MACROD2: variants seen among roughly 807,000 people sequenced by gnomAD.
MACROD2 encodes the protein mono-ADP ribosylhydrolase 2, also known as ADP-ribose glycohydrolase MACROD2.
In MACROD2, 36 loss-of-function variants were observed where a neutral mutation model predicts 70.4. The observed-to-expected ratio is 0.51, with a 90% CI of 0.39 to 0.68. The LOEUF (loss-of-function observed/expected upper bound fraction) is 0.68, where lower values mean the gene tolerates loss of function less well. Among genes scored for constraint, MACROD2 ranks in the 30% least tolerant of loss-of-function variants. MACROD2 has a pLI of 0.00. For synonymous variants in MACROD2, 172 were observed against 178.8 expected (o/e 0.96, Z 0.30); for missense variants, 496 against 538.4 (o/e 0.92, Z 0.78).
chr20:16,044,670 T>C lies in MACROD2; in HGVS notation c.1300+31T>C, dbSNP rs1339948746. On this transcript the variant is annotated intron_variant, in intron 17 of 17. Coordinates refer to ENST00000684519, the MANE Select transcript of MACROD2 (RefSeq NM_001351661.2). ...ATGCCCCTTGTGGTGAGATTTTCAA[T>C]GATCAACCAGCCATAAGAACTATTT... 3 of 1,580,998 alleles carry C rather than the reference T, an allele frequency of 1.9e-6. No homozygotes were observed. In the Admixed American group the frequency reaches 5.0e-5, roughly 27 times the overall value.
chr20:15,673,763 T>C (rs2050015159), intron 8 of MACROD2, among the ~76,000 whole-genome samples: 1 of 146,876 alleles, frequency 6.8e-6, no homozygotes, highest in Admixed American at 7.1e-5. Context: ...TTTAGATTAC[T>C]GGTTGCTCAG....
chr20:15,091,339 A>G (rs2075791346), intron 5 of MACROD2, among the ~76,000 whole-genome samples: 1 of 151,898 alleles, frequency 6.6e-6, no homozygotes. Context: ...AAGGACTTAA[A>G]AAATAAAACC....
chr20:14,171,535 C>T (rs1159379871), intron 3 of MACROD2, among the ~76,000 whole-genome samples: 3 of 152,110 alleles, frequency 2.0e-5, no homozygotes, highest in Non-Finnish European at 2.9e-5. Context: ...TAGGCTGTGT[C>T]ACTATTGTTG....
intron 3 of MACROD2, among the ~76,000 whole-genome samples, chr20:14,285,767 G>T (rs1343015992): frequency 6.6e-6 from 1 of 152,002 alleles, no homozygotes; most frequent in East Asian, 1.9e-4. Flanking sequence ...GTAATAGATT[G>T]TGTTGAGACC....
chr20:15,457,166 A>G (rs971570287), intron 7 of MACROD2, among the ~76,000 whole-genome samples: 1 of 147,934 alleles, frequency 6.8e-6, no homozygotes, highest in African/African-American at 2.5e-5. Flanking sequence ...TACTGTATAT[A>G]TTCTGAAATT....
intron 5 of MACROD2, among the ~76,000 whole-genome samples, chr20:15,063,318 T>A (rs2075548079): frequency 6.6e-6 from 1 of 152,242 alleles, no homozygotes. Context: ...CCCTCTCCTA[T>A]AATTCAATTA....
At chr20:14,656,001 G>A (rs6110374) in intron 4 of MACROD2, among the ~76,000 whole-genome samples, 1,922 of 152,196 alleles carry the variant, frequency 0.013, 26 homozygotes, top group African/African-American at 0.036. Context: ...GTCCCCTGCC[G>A]CCTTCTATAA....
At chr20:14,052,755 T>G (rs890903587) in intron 2 of MACROD2, among the ~76,000 whole-genome samples, 7 of 152,132 alleles carry the variant, frequency 4.6e-5, no homozygotes, top group African/African-American at 1.7e-4. Context: ...TCTAAGAAAT[T>G]CTTTTATTTG....
chr20:14,236,456 G>A (rs2081871994), intron 3 of MACROD2, among the ~76,000 whole-genome samples: 1 of 151,550 alleles, frequency 6.6e-6, no homozygotes, highest in Admixed American at 6.6e-5. Flanking sequence ...TTAATACCTT[G>A]TAGTAGTCTT....
At chr20:15,370,838 C>T (rs185670561) in intron 6 of MACROD2, among the ~76,000 whole-genome samples, 8 of 151,686 alleles carry the variant, frequency 5.3e-5, no homozygotes, top group Non-Finnish European at 1.0e-4. Context: ...AGGAAAAAAG[C>T]ATAAGGTAGG....
intron 2 of MACROD2, among the ~76,000 whole-genome samples, chr20:14,084,735 C>T (rs2054055033): frequency 6.6e-6 from 1 of 151,828 alleles, no homozygotes; most frequent in South Asian, 2.1e-4. Context: ...TAGTAGCACC[C>T]TCTAGAGCAA....
chr20:15,395,632 A>C (rs1218975254), intron 6 of MACROD2, among the ~76,000 whole-genome samples: 1 of 152,250 alleles, frequency 6.6e-6, no homozygotes, highest in Non-Finnish European at 1.5e-5. Flanking sequence ...CTTTATTTAC[A>C]AAAAGCAGGA....
chr20:14,530,195 G>A (rs919790059), intron 4 of MACROD2, among the ~76,000 whole-genome samples: 2 of 152,160 alleles, frequency 1.3e-5, no homozygotes, highest in East Asian at 1.9e-4. Context: ...AATGTCCCCA[G>A]GGCCCTTGTG....
intron 8 of MACROD2, among the ~76,000 whole-genome samples, chr20:15,851,004 C>A (rs1218267701): frequency 6.6e-6 from 1 of 152,018 alleles, no homozygotes; most frequent in Non-Finnish European, 1.5e-5. Flanking sequence ...TGGCCGGCTT[C>A]ATGTGTGATT....
chr20:15,612,000 A>G (rs2048976871), intron 8 of MACROD2, among the ~76,000 whole-genome samples: 1 of 151,404 alleles, frequency 6.6e-6, no homozygotes, highest in Non-Finnish European at 1.5e-5. Flanking sequence ...CCGGCAACAC[A>G]CATGTTGCAG....
chr20:14,395,231 T>C (rs1227553758), intron 3 of MACROD2, among the ~76,000 whole-genome samples: 1 of 152,070 alleles, frequency 6.6e-6, no homozygotes, highest in Admixed American at 6.6e-5. Context: ...TATTGATTAT[T>C]AGTTTGTTTT....
At position 15,625,520 on chromosome 20, in the gene MACROD2, G is replaced by A. The variant is rs565772834; in HGVS notation, c.645+125673G>A. On this transcript the variant is annotated intron_variant, in intron 8 of 17. Coordinates refer to ENST00000684519, the MANE Select transcript of MACROD2 (RefSeq NM_001351661.2). ...TAAAAAAGGTAAGAAATGGCTTGCC[G>A]TAATTTTTCTACCATTTATATCCAT... Among the ~76,000 whole-genome samples, 21 of 152,272 alleles carry A rather than the reference G, an allele frequency of 1.4e-4. No homozygotes were observed. In the South Asian group the frequency reaches 2.9e-3, roughly 21 times the overall value.
At chr20:15,960,014 C>T (rs1735874137) in intron 12 of MACROD2, among the ~76,000 whole-genome samples, 2 of 152,172 alleles carry the variant, frequency 1.3e-5, no homozygotes, top group Admixed American at 1.3e-4. Flanking sequence ...AATGAGGAAA[C>T]CATTTCAGCA....
intron 5 of MACROD2, among the ~76,000 whole-genome samples, chr20:14,768,196 T>C (rs1568784984): frequency 6.6e-6 from 1 of 152,200 alleles, no homozygotes; most frequent in East Asian, 1.9e-4. Context: ...TGGTTCTAGA[T>C]CCTTGAGGAA....
Sources: allele counts gnomAD v4.1 joint callset (sites outside exome capture counted in the v4.1 genomes callset), GRCh38; gene constraint gnomAD v4.1.1; transcripts MANE v1.5; gene names NCBI Gene and HGNC (gene_info 2026-07-23, HGNC 2026-07-21).